CASD1: variants seen among roughly 807,000 people sequenced by gnomAD.
CASD1 encodes the protein N-acetylneuraminate (7)9-O-acetyltransferase.
A neutral mutation model predicts 100.0 loss-of-function variants in CASD1; 41 were observed. The observed-to-expected ratio is 0.41, with a 90% CI of 0.32 to 0.53. The LOEUF is 0.53. Among genes scored for constraint, CASD1 ranks in the 20% least tolerant of loss-of-function variants. The pLI, the probability that CASD1 is intolerant of heterozygous loss-of-function variation, is 0.25. For missense variants in CASD1, 774 were observed against 948.7 expected, an observed-to-expected ratio of 0.82 and a Z score of 2.42; for synonymous variants, 321 against 315.6, an observed-to-expected ratio of 1.02 and a Z score of -0.18.
chr7:94,604,845 ATATATATATATAT>A, the CASD1 span, among the ~76,000 whole-genome samples: 45 of 80,596 alleles, frequency 5.6e-4, no homozygotes, highest in Non-Finnish European at 1.0e-3. Context: ...ATATATATAT[ATATATATATATAT>A]AATAGTTGTT....
intron 16 of CASD1, 89 bp from the exon 17 acceptor site, chr7:94,554,390 TAAAG>T: frequency 1.3e-6 from 1 of 771,294 alleles, no homozygotes; most frequent in Non-Finnish European, 2.1e-6. Context: ...TTCACAAACA[TAAAG>T]AATAAGGTTA....
At chr7:94,530,752 A>G (rs1794812758) in intron 5 of CASD1, among the ~76,000 whole-genome samples, 1 of 152,124 alleles carries the variant, frequency 6.6e-6, no homozygotes, top group African/African-American at 2.4e-5. Flanking sequence ...GAATGGAAGA[A>G]ATTGAATAGG....
At chr7:94,526,502 C>A (rs1041330831) in intron 3 of CASD1, among the ~76,000 whole-genome samples, 82 of 152,320 alleles carry the variant, frequency 5.4e-4, no homozygotes, top group African/African-American at 1.8e-3. Context: ...AATAGTAATA[C>A]AAGTGCTGGG....
At chr7:94,543,679 G>A (rs1795532095) in intron 10 of CASD1, among the ~76,000 whole-genome samples, 1 of 150,806 alleles carries the variant, frequency 6.6e-6, no homozygotes, top group African/African-American at 2.4e-5. Flanking sequence ...CAGTGTACAA[G>A]TTATGCTGTG....
downstream of CASD1, among the ~76,000 whole-genome samples, chr7:94,559,218 A>G (rs538701686): frequency 6.6e-5 from 10 of 151,960 alleles, no homozygotes; most frequent in South Asian, 4.2e-4. Flanking sequence ...CTGGCATTCA[A>G]TGTGGTACCA....
At chr7:94,618,977 C>T in the CASD1 span, 4 of 1,511,112 alleles carry the variant, frequency 2.6e-6, no homozygotes, top group Non-Finnish European at 2.8e-6. Context: ...TGAAAAAGGG[C>T]ATGCATATCT....
At chr7:94,560,915 A>G (rs1319524143), downstream of CASD1, among the ~76,000 whole-genome samples, 2 of 152,332 alleles carry the variant, frequency 1.3e-5, no homozygotes, top group East Asian at 3.9e-4. Flanking sequence ...GCTAAAAGGT[A>G]AATCCAGAAT....
At chr7:94,588,963 CTAAAG>C in the CASD1 span, 4 of 538,504 alleles carry the variant, frequency 7.4e-6, no homozygotes, top group Non-Finnish European at 1.3e-5. Context: ...GGGCTATACT[CTAAAG>C]TACCTCACAA....
At chr7:94,594,208 C>G in the CASD1 span, among the ~76,000 whole-genome samples, 1 of 152,036 alleles carries the variant, frequency 6.6e-6, no homozygotes, top group African/African-American at 2.4e-5. Context: ...AAACATAACA[C>G]CAGTCACAAC....
At chr7:94,596,236 C>T in the CASD1 span, among the ~76,000 whole-genome samples, 1 of 151,990 alleles carries the variant, frequency 6.6e-6, no homozygotes, top group Non-Finnish European at 1.5e-5. Context: ...TTTTATTTTG[C>T]TTGTATATTA....
the CASD1 span, among the ~76,000 whole-genome samples, chr7:94,566,964 C>T: frequency 6.6e-6 from 1 of 152,098 alleles, no homozygotes; most frequent in Non-Finnish European, 1.5e-5. Flanking sequence ...TTTCTCCTAA[C>T]CCTGGTGGAT....
At chr7:94,612,439 G>A in the CASD1 span, among the ~76,000 whole-genome samples, 1 of 151,936 alleles carries the variant, frequency 6.6e-6, no homozygotes, top group Non-Finnish European at 1.5e-5. Context: ...TTTGTATCCT[G>A]CTTTTTCACT....
intron 3 of CASD1, among the ~76,000 whole-genome samples, chr7:94,524,514 G>C (rs1048923596): frequency 6.6e-6 from 1 of 152,078 alleles, no homozygotes; most frequent in Admixed American, 6.5e-5. Flanking sequence ...ATTAGGCTGT[G>C]TACCAGTAGA....
the CASD1 span, among the ~76,000 whole-genome samples, chr7:94,574,362 C>CT: frequency 3.3e-5 from 5 of 151,842 alleles, no homozygotes; most frequent in Non-Finnish European, 7.4e-5. Context: ...AGGTCCAGGG[C>CT]TTTTTTTGGT....
the CASD1 span, among the ~76,000 whole-genome samples, chr7:94,602,280 A>G: frequency 6.6e-6 from 1 of 152,122 alleles, no homozygotes; most frequent in Non-Finnish European, 1.5e-5. Context: ...ATTTTACTTG[A>G]TTTAGGAAGG....
At chr7:94,559,276 C>CTGTGTGTGTG (rs377655712), downstream of CASD1, among the ~76,000 whole-genome samples, 12,064 of 137,472 alleles carry the variant, frequency 0.088, 1,664 homozygotes, top group African/African-American at 0.3. Flanking sequence ...GTATATATGT[C>CTGTGTGTGTG]TGTGTGTGTG....
At chr7:94,547,207 CAT>C (rs764626791) in intron 13 of CASD1, 32 bp downstream of exon 13, 2 of 1,452,038 alleles carry the variant, frequency 1.4e-6, no homozygotes, top group Admixed American at 4.3e-5. Flanking sequence ...TATATTTTTT[CAT>C]ATTTTATTTT....
intron 8 of CASD1, among the ~76,000 whole-genome samples, 157 bp from the exon 9 acceptor site, chr7:94,537,315 A>G (rs938203450): frequency 1.3e-5 from 2 of 152,186 alleles, no homozygotes; most frequent in Non-Finnish European, 2.9e-5. Flanking sequence ...TACAGATGGA[A>G]TGAATACCAT....
At chr7:94,628,158 A>ACT in the CASD1 span, 1 of 1,471,218 alleles carries the variant, frequency 6.8e-7, no homozygotes. Flanking sequence ...ACACACACAC[A>ACT]CACACATATA....
Sources: allele counts gnomAD v4.1 joint callset (sites outside exome capture counted in the v4.1 genomes callset), GRCh38; gene constraint gnomAD v4.1.1; transcripts MANE v1.5; gene names NCBI Gene and HGNC (gene_info 2026-07-23, HGNC 2026-07-21).